PHKA2: variants seen among roughly 807,000 people sequenced by gnomAD.
PHKA2 encodes the protein phosphorylase b kinase regulatory subunit alpha, liver isoform.
Under a neutral mutation model 102.0 loss-of-function variants are expected in PHKA2, and 31 were observed. The observed-to-expected ratio is 0.30, with a 90% CI of 0.23 to 0.41. PHKA2 has a LOEUF of 0.41. PHKA2 is among the 10% of genes least tolerant of loss of function. The probability of loss-of-function intolerance (pLI) is 1.00; values close to 1 mark genes in which losing one functional copy is unlikely to be tolerated. For missense variants in PHKA2, 858 were observed against 1,023.1 expected (o/e 0.84, Z 2.20); for synonymous variants, 455 against 416.2 (o/e 1.09, Z -1.13).
rs1345717485 is a variant in PHKA2, at chrX:18,910,948, G to A, written c.2150C>T (p.Thr717Ile). The A allele has an allele frequency of 3.4e-6, 4 of 1,173,269 alleles. No homozygotes were observed. In the South Asian group the frequency reaches 5.3e-5, roughly 16 times the overall value. ...GGCACTTAGAACTTTAGTCGGCAAA[G>A]TCATGGGAACAACTGGAAAACAAAA... ...KGLEVPFVPM[T>I]LPTKVLSAHR... The change falls in exon 20 of 33, where the codon ACT (threonine) becomes ATT (isoleucine). Residue 717 changes from threonine (T) to isoleucine (I), a missense_variant. By Grantham distance (89) the Thr-to-Ile change is moderately conservative. Transcript: ENST00000379942.
chrX:18,924,947 A>T (rs2147913589), intron 15 of PHKA2, among the ~76,000 whole-genome samples: 1 of 112,276 alleles, frequency 8.9e-6, no homozygotes, highest in African/African-American at 3.2e-5. Context: ...GTTAATGTCA[A>T]CTAAAGACAC....
At chrX:18,901,442 G>A in intron 27 of PHKA2, 43 bp downstream of exon 27, 1 of 867,309 alleles carries the variant, frequency 1.2e-6, no homozygotes, top group Non-Finnish European at 1.7e-6. Context: ...GCCCAGGTAG[G>A]GAGACCACCA....
rs1279327325 is a variant in PHKA2, at chrX:18,983,849, CCTT to C, written c.78+3_78+5del. On this transcript the variant is annotated splice_donor_5th_base_variant and intron_variant, in intron 1 of 32. Coordinates refer to ENST00000379942, the MANE Select transcript of PHKA2 (RefSeq NM_000292.3). ...CACGCGTTCCCTGGGGGCGGTCCCTCCTTACCTGGTAACACAGGATGGTTTGCT... is the reference window on the plus strand; with the variant it reads ...CACGCGTTCCCTGGGGGCGGTCCCTCACCTGGTAACACAGGATGGTTTGCT... The C allele has an allele frequency of 8.3e-7, 1 of 1,204,930 alleles. No homozygotes were observed. The highest frequency in any genetic ancestry group is 1.1e-6 in the Non-Finnish European group (1 of 889,820).
Position 18,895,074 on chromosome X carries a change from C to T in PHKA2, c.3336+64G>A, listed in dbSNP as rs368924995. On this transcript the variant is annotated intron_variant, in intron 31 of 32. Transcript: ENST00000379942. ...AAAAGGAGCACAAGAGGTCAGAGTCCATGCAATGAAGCCCTTATTGTGAAC... is the reference window on the plus strand; with the variant it reads ...AAAAGGAGCACAAGAGGTCAGAGTCTATGCAATGAAGCCCTTATTGTGAAC... The T allele has an allele frequency of 4.9e-6, 5 of 1,017,894 alleles. No homozygotes were observed. In the African/African-American group the frequency reaches 7.5e-5, roughly 15 times the overall value. 83.9% of individuals were successfully genotyped at this position (1,017,894 alleles called of 1,213,427 possible). A position where few individuals can be genotyped will look rare whatever the true frequency, so the allele number is the denominator to read the frequency against.
intron 9 of PHKA2, among the ~76,000 whole-genome samples, chrX:18,939,704 G>A (rs377421833): frequency 3.4e-4 from 38 of 111,161 alleles, no homozygotes; most frequent in East Asian, 2.6e-3. Flanking sequence ...TGTGTTAGCC[G>A]GGATGGTCTC....
chrX:18,960,897 T>C (rs377020799), intron 1 of PHKA2, among the ~76,000 whole-genome samples: 12 of 112,249 alleles, frequency 1.1e-4, no homozygotes, highest in African/African-American at 3.6e-4. Context: ...AGTCTAGAAA[T>C]AGATCCACAT....
At chrX:18,924,351 G>A (rs1207105693) in intron 16 of PHKA2, 30 bp downstream of exon 16, 1 of 1,206,722 alleles carries the variant, frequency 8.3e-7, no homozygotes, top group South Asian at 1.8e-5. Flanking sequence ...CCTGGGGCAG[G>A]AGGGAGCCTG....
At chrX:18,912,011 C>T (rs1011813850) in intron 19 of PHKA2, among the ~76,000 whole-genome samples, 1 of 111,950 alleles carries the variant, frequency 8.9e-6, no homozygotes, top group Non-Finnish European at 1.9e-5. Flanking sequence ...TTTTCAACCA[C>T]CTCTGGATAT....
intron 1 of PHKA2, among the ~76,000 whole-genome samples, chrX:18,969,707 T>C (rs1363113209): frequency 7.2e-5 from 8 of 111,534 alleles, no homozygotes; most frequent in Non-Finnish European, 1.3e-4. Context: ...ACAGAGATCC[T>C]GAAAGGGTGT....
intron 26 of PHKA2, chrX:18,902,668 G>A (rs1324534006): frequency 9.0e-6 from 1 of 111,307 alleles, no homozygotes; most frequent in Non-Finnish European, 1.9e-5. Context: ...GGCTGAGGCA[G>A]GAGAATTGCT....
Position 18,939,683 on chromosome X carries a change from TG to T in PHKA2, c.918+311del, listed in dbSNP as rs1353206997. Among the ~76,000 whole-genome samples, 6 of 111,250 alleles carry T rather than the reference TG, an allele frequency of 5.4e-5. 1 individual carries two copies. The highest frequency in any genetic ancestry group is 2.0e-4 in the African/African-American group (6 of 30,497). On this transcript the variant is annotated intron_variant, in intron 9 of 32. Coordinates refer to ENST00000379942, the MANE Select transcript of PHKA2 (RefSeq NM_000292.3). Reference sequence around the variant, plus strand: ...TAATTTTTTGTATTTTTAGTAGAGATGGGGTTTCACTGTGTTAGCCGGGATG... The same window carrying T: ...TAATTTTTTGTATTTTTAGTAGAGATGGGTTTCACTGTGTTAGCCGGGATG...
chrX:18,949,130 G>A (rs1387197751), intron 4 of PHKA2, among the ~76,000 whole-genome samples: 1 of 111,135 alleles, frequency 9.0e-6, no homozygotes, highest in African/African-American at 3.3e-5. Context: ...GGATTGATGC[G>A]GGGAAGGTTC....
intron 19 of PHKA2, among the ~76,000 whole-genome samples, chrX:18,913,567 A>C (rs759483983): frequency 1.8e-5 from 2 of 109,303 alleles, no homozygotes; most frequent in East Asian, 5.7e-4. Context: ...CTCCACGCCC[A>C]GCTAATTTTT....
intron 28 of PHKA2, among the ~76,000 whole-genome samples, chrX:18,900,271 T>G: frequency 9.0e-6 from 1 of 111,248 alleles, no homozygotes; most frequent in Non-Finnish European, 1.9e-5. Flanking sequence ...CACCCTTACA[T>G]GTTTTTCCTT....
chrX:18,931,125 G>C, intron 12 of PHKA2, among the ~76,000 whole-genome samples: 1 of 112,323 alleles, frequency 8.9e-6, no homozygotes, highest in Non-Finnish European at 1.9e-5. Flanking sequence ...GGTGTCAAGA[G>C]GCAGTTGTCT....
intron 31 of PHKA2, chrX:18,894,880 T>C (rs1351225144): frequency 9.3e-6 from 4 of 430,389 alleles, no homozygotes; most frequent in Non-Finnish European, 1.6e-5. Flanking sequence ...ACCAGGGTTC[T>C]AAGGGGTGTC....
intron 13 of PHKA2, among the ~76,000 whole-genome samples, chrX:18,928,960 G>A (rs950215334): frequency 1.8e-5 from 2 of 112,574 alleles, no homozygotes; most frequent in South Asian, 3.7e-4. Flanking sequence ...GATAAATGAC[G>A]CGCAACGAAT....
intron 5 of PHKA2, among the ~76,000 whole-genome samples, chrX:18,945,433 A>G: frequency 9.0e-6 from 1 of 111,423 alleles, no homozygotes. Flanking sequence ...TTTGTAAGAA[A>G]CTCTGGATGT....
chrX:18,933,991 C>T (rs768478984), intron 11 of PHKA2, among the ~76,000 whole-genome samples: 6 of 112,211 alleles, frequency 5.3e-5, no homozygotes, highest in Non-Finnish European at 1.1e-4. Context: ...TAGAACTGGA[C>T]GGCTCTTCTC....
Sources: gnomAD v4.1 joint callset for allele counts (sites outside exome capture counted in the v4.1 genomes callset) on GRCh38, gnomAD v4.1.1 for gene constraint, MANE v1.5 for transcripts, NCBI Gene and HGNC (gene_info 2026-07-23, HGNC 2026-07-21) for gene names.